The following PCGF2 variants were observed in gnomAD, a reference collection of about 807,000 sequenced individuals.
The protein encoded by PCGF2 is polycomb group RING finger protein 2.
In PCGF2, 8 loss-of-function variants were observed where a neutral mutation model predicts 36.1. The observed-to-expected ratio is 0.22, with a 90% CI of 0.13 to 0.40. The LOEUF (loss-of-function observed/expected upper bound fraction) is 0.40. Ranked by LOEUF, PCGF2 falls within the 10% of genes least tolerant of loss-of-function variation. The pLI, the probability that PCGF2 is intolerant of heterozygous loss-of-function variation, is 1.00. For synonymous variants in PCGF2, 198 were observed against 191.2 expected (o/e 1.04, Z -0.29); for missense variants, 436 against 475.9 (o/e 0.92, Z 0.78).
chr17:38,746,755 A>T (rs954506568), intron 2 of PCGF2: 6 of 152,198 alleles, frequency 3.9e-5, no homozygotes, highest in African/African-American at 1.2e-4. Context: ...CATGGTCTGG[A>T]TCCTGGGGTT....
intron 9 of PCGF2, among the ~76,000 whole-genome samples, chr17:38,736,962 G>A (rs998324891): frequency 4.0e-5 from 6 of 151,342 alleles, no homozygotes; most frequent in African/African-American, 4.9e-5. Context: ...GAGAAACCCC[G>A]TCTCTACTAA....
chr17:38,735,238 C>T lies in PCGF2; in HGVS notation c.1020G>A (p.Val340=). The T allele has an allele frequency of 6.9e-7, 1 of 1,439,222 alleles. No individual in the cohort carries two copies. The highest frequency in any genetic ancestry group is 9.2e-7 in the Non-Finnish European group (1 of 1,085,504). The allele number at this position is 1,439,222 out of a possible 1,614,324, so 89.2% of individuals were successfully genotyped here. ...GRKMTVNGAP[V]PPLT ...GTCCCTGGCCTCAAGTTAAGGGGGG[C>T]ACGGGAGCGCCGTTGACAGTCATCT... The change falls in exon 11 of 11, where the codon GTG becomes GTA. Residue 340 remains valine (V), a synonymous_variant. Coordinates refer to ENST00000620225, the MANE Select transcript of PCGF2 (RefSeq NM_007144.3).
At chr17:38,749,673 C>T (rs865894564), upstream of PCGF2, 2 of 455,930 alleles carry the variant, frequency 4.4e-6, no homozygotes, top group Non-Finnish European at 8.8e-6. The surrounding 1 kb of genome is among the most constrained non-coding windows in gnomAD (Gnocchi z 6.5). Context: ...AGTTTTGGAG[C>T]GCCTGCCTCC....
rs966821056 is a variant in PCGF2 at position 38,734,116 on chromosome 17, G to A, written c.*1107C>T. 1 of 147,370 alleles carries A rather than the reference G, an allele frequency of 6.8e-6. No homozygotes were observed. Among genetic ancestry groups the A allele is most frequent in the Admixed American group, 6.7e-5 (1 of 14,896 alleles). 9.1% of individuals were successfully genotyped at this position (147,370 alleles called of 1,614,324 possible). Reference sequence around the variant, plus strand: ...ACTTGAGGAAATCTCGGTGGGCAGCGACCTGCCAGGGTCTGTCCCTAAGGA... The same window carrying A: ...ACTTGAGGAAATCTCGGTGGGCAGCAACCTGCCAGGGTCTGTCCCTAAGGA... On this transcript the variant is annotated 3_prime_UTR_variant, in exon 11 of 11. Coordinates refer to ENST00000620225, the MANE Select transcript of PCGF2 (RefSeq NM_007144.3).
rs551103547 is a variant in PCGF2 at position 38,738,978 on chromosome 17, G to A, written c.316+90C>T. ...AGCCACCTTCTGGAGAGGTGTGCGCGGAGGAGGTCAGAGGGTGAGGGGTAG... is the reference window on the plus strand; with the variant it reads ...AGCCACCTTCTGGAGAGGTGTGCGCAGAGGAGGTCAGAGGGTGAGGGGTAG... On this transcript the variant is annotated intron_variant, in intron 6 of 10. Coordinates refer to ENST00000620225, the MANE Select transcript of PCGF2 (RefSeq NM_007144.3). 6.9e-5 allele frequency: 106 copies of A among 1,541,402 alleles called. No homozygotes were observed. In the African/African-American group the frequency reaches 7.6e-4, roughly 11 times the overall value.
Position 38,738,438 on chromosome 17 carries a change from C to T in PCGF2, c.491G>A (p.Arg164His), listed in dbSNP as rs1027436811. Residue 164 changes from arginine to histidine, a missense_variant, in exon 9 of 11, where the codon CGC (arginine) becomes CAC (histidine). Physicochemically the swap from Arg to His is conservative, Grantham distance 29 (BLOSUM62 0). Around this residue, in one of 3 missense-constraint regions of PCGF2, gnomAD observed 20 missense variants for 43.7 expected, o/e 0.46. Coordinates refer to ENST00000620225, the MANE Select transcript of PCGF2 (RefSeq NM_007144.3). ...GDGDKEKTGV[R>H]FLRCPAAMTV... ...CATGGCTGCTGGGCATCGCAGGAAG[C>T]GCACCCCTGTCTGCTGGGGCACAGG... The T allele has an allele frequency of 1.9e-6, 3 of 1,614,172 alleles. No homozygotes were observed. Among genetic ancestry groups the T allele is most frequent in the Admixed American group, 1.7e-5 (1 of 60,032 alleles).
chr17:38,739,522 T>A lies in PCGF2; in HGVS notation c.209+64A>T. ...CCTTGGCTGAAGGAAGCACGGAGCG[T>A]GGGAGGGATGGGGGAGGCTGACCCA... is the stretch of plus-strand genomic sequence containing the variant. On this transcript the variant is annotated intron_variant, in intron 4 of 10. Transcript: ENST00000620225. The surrounding 1 kb of genome is among the most constrained non-coding windows in gnomAD (Gnocchi z 4.0). The A allele has an allele frequency of 7.9e-7, 1 of 1,264,166 alleles. No homozygotes were observed. The highest frequency in any genetic ancestry group is 1.2e-5 in the South Asian group (1 of 84,128). The allele number at this position is 1,264,166 out of a possible 1,614,324, so 78.3% of individuals were successfully genotyped here.
chr17:38,739,596 G>A lies in PCGF2; in HGVS notation c.199C>T (p.Leu67=), dbSNP rs777245425. The change falls in exon 4 of 11, where the codon CTG becomes TTG. Residue 67 remains leucine, a synonymous_variant. Transcript: ENST00000620225. The surrounding 1 kb of genome is among the most constrained non-coding windows in gnomAD (Gnocchi z 4.0). ...DVQVHKTRPL[L]SIRSDKTLQD... is the part of the protein sequence containing the mutation. ...CCGTGCCAAGCCCACCTGATGCTCA[G>A]CAGCGGCCGGGTTTTATGGACCTGC... is the stretch of plus-strand genomic sequence containing the variant. 1.2e-6 allele frequency: 2 copies of A among 1,613,184 alleles called. No homozygotes were observed. The highest frequency in any genetic ancestry group is 4.5e-5 in the East Asian group (2 of 44,870).
At chr17:38,738,127 C>G (rs995944019) in intron 9 of PCGF2, among the ~76,000 whole-genome samples, 1 of 152,138 alleles carries the variant, frequency 6.6e-6, no homozygotes, top group Admixed American at 6.5e-5. Context: ...GTGCAACATG[C>G]ACACATACAC....
chr17:38,739,812 C>T lies in PCGF2; in HGVS notation c.113-130G>A, dbSNP rs117964350. The T allele has an allele frequency of 3.9e-3, 2,802 of 719,470 alleles. 10 individuals are homozygous for T. The highest frequency in any genetic ancestry group is 6.3e-3 in the Non-Finnish European group (2,489 of 397,042). The allele number at this position is 719,470 out of a possible 1,614,324, so 44.6% of individuals were successfully genotyped here. Reference sequence around the variant, plus strand: ...GTCCCTGCTCCGAGGCCCAATGTGGCGATGTGTGTTCTGCACGTGTGGTAC... The same window carrying T: ...GTCCCTGCTCCGAGGCCCAATGTGGTGATGTGTGTTCTGCACGTGTGGTAC... On this transcript the variant is annotated intron_variant, in intron 3 of 10. Coordinates refer to ENST00000620225, the MANE Select transcript of PCGF2 (RefSeq NM_007144.3). This position sits in a 1 kb window ranked among gnomAD's most constrained non-coding sequence, Gnocchi z 4.0.
In PCGF2 at chr17:38,735,016, T is replaced by C. The variant is rs996760735; in HGVS notation, c.*207A>G. The C allele has an allele frequency of 1.5e-5, 6 of 394,576 alleles. No individual in the cohort carries two copies. Among genetic ancestry groups the C allele is most frequent in the Admixed American group, 1.3e-4 (3 of 22,832 alleles). The allele number at this position is 394,576 out of a possible 1,614,324, so 24.4% of individuals were successfully genotyped here. A position where few individuals can be genotyped will look rare whatever the true frequency, so the allele number is the denominator to read the frequency against. ...CACATAAAGTTTGTTTCCTGTGGCA[T>C]TTAAATTAATCTGGTTGGTCCATAG... On this transcript the variant is annotated 3_prime_UTR_variant, in exon 11 of 11. Coordinates refer to ENST00000620225, the MANE Select transcript of PCGF2 (RefSeq NM_007144.3).
chr17:38,740,758 CAAAAAAGAAAAG>C lies in PCGF2; in HGVS notation c.-40-328_-40-317del, dbSNP rs1907151652. ...TGGGCGACAGAGTGAGAGTCTGTCT[CAAAAAAGAAAAG>C]AAAAAAGAAACCCAGAGCCTCGGCA... On this transcript the variant is annotated intron_variant, in intron 2 of 10. Transcript: ENST00000620225. Among the ~76,000 whole-genome samples, 3 of 150,642 alleles carry C rather than the reference CAAAAAAGAAAAG, an allele frequency of 2.0e-5. No individual in the cohort carries two copies. In the South Asian group the frequency reaches 6.3e-4, roughly 32 times the overall value.
chr17:38,734,006 C>T lies in PCGF2; in HGVS notation c.*1217G>A. ...AGGACAAGGTGCAAACACAGACAAGCCCATCAGGGGGCTCCCAACCCCACA... is the reference window on the plus strand; with the variant it reads ...AGGACAAGGTGCAAACACAGACAAGTCCATCAGGGGGCTCCCAACCCCACA... On this transcript the variant is annotated 3_prime_UTR_variant, in exon 11 of 11. Transcript: ENST00000620225. 6.5e-6 allele frequency: 1 copy of T among 153,030 alleles called. No homozygotes were observed. The highest frequency in any genetic ancestry group is 1.5e-5 in the Non-Finnish European group (1 of 68,580). 9.5% of individuals were successfully genotyped at this position (153,030 alleles called of 1,614,324 possible).
chr17:38,743,677 C>T (rs1220901748), intron 2 of PCGF2, among the ~76,000 whole-genome samples: 1 of 152,156 alleles, frequency 6.6e-6, no homozygotes, highest in African/African-American at 2.4e-5. Context: ...CACTGATTGG[C>T]TCCTCACCTG....
Position 38,740,408 on chromosome 17 carries a change from C to A in PCGF2, c.-6G>T. The A allele has an allele frequency of 1.5e-6, 2 of 1,301,706 alleles. No homozygotes were observed. The highest frequency in any genetic ancestry group is 3.0e-5 in the East Asian group (1 of 33,444). 80.6% of individuals were successfully genotyped at this position (1,301,706 alleles called of 1,614,324 possible). On this transcript the variant is annotated 5_prime_UTR_variant, in exon 3 of 11. Coordinates refer to ENST00000620225, the MANE Select transcript of PCGF2 (RefSeq NM_007144.3). Reference sequence around the variant, plus strand: ...ATCCGTGTAGTCCGATGCATGATTCCGGGGTCGGGGGTGGGGGGACTGGGG... The same window carrying A: ...ATCCGTGTAGTCCGATGCATGATTCAGGGGTCGGGGGTGGGGGGACTGGGG...
In PCGF2 at chr17:38,736,102, G is replaced by A; in HGVS notation, c.645C>T (p.Tyr215=). 5 of 1,579,172 alleles carry A rather than the reference G, an allele frequency of 3.2e-6. No individual in the cohort carries two copies. The highest frequency in any genetic ancestry group is 3.4e-6 in the Non-Finnish European group (4 of 1,161,762). ...CTCGCTGGCTCACCCGCCGCCAGGG[G>A]TAGATGTAGGCGATGTCCATGAGGG... is the stretch of plus-strand genomic sequence containing the variant. The part of the protein sequence containing the change: ...YYTLMDIAYI[Y]PWRRNGPLPL... Residue 215 remains tyrosine, a synonymous_variant, in exon 10 of 11, where the codon TAC becomes TAT. Transcript: ENST00000620225.
Position 38,736,155 on chromosome 17 carries a change from C to T in PCGF2, c.592G>A (p.Glu198Lys), listed in dbSNP as rs568535028. The T allele has an allele frequency of 2.1e-5, 33 of 1,574,162 alleles. No homozygotes were observed. Among genetic ancestry groups the T allele is most frequent in the East Asian group, 9.3e-5 (4 of 43,054 alleles). ...PSKYKVEVLY[E>K]DEPLKEYYTL... ...TAGTATTCCTTCAGTGGCTCGTCCT[C>T]GTACAGAACCTCCACCTGGGGGAGG... is the stretch of plus-strand genomic sequence containing the variant. Residue 198 changes from glutamate (E) to lysine (K), a missense_variant, in exon 10 of 11, where the codon GAG becomes AAG. Physicochemically the swap from Glu to Lys is moderately conservative, Grantham distance 56. Around this residue, in one of 3 missense-constraint regions of PCGF2, gnomAD observed 227 missense variants for 212.9 expected, o/e 1.07. Coordinates refer to ENST00000620225, the MANE Select transcript of PCGF2 (RefSeq NM_007144.3).
rs1907030695 is a variant in PCGF2, at chr17:38,739,521, G to A, written c.209+65C>T. ...GCCTTGGCTGAAGGAAGCACGGAGCGTGGGAGGGATGGGGGAGGCTGACCC... is the reference window on the plus strand; with the variant it reads ...GCCTTGGCTGAAGGAAGCACGGAGCATGGGAGGGATGGGGGAGGCTGACCC... On this transcript the variant is annotated intron_variant, in intron 4 of 10. Coordinates refer to ENST00000620225, the MANE Select transcript of PCGF2 (RefSeq NM_007144.3). The surrounding 1 kb of genome is among the most constrained non-coding windows in gnomAD (Gnocchi z 4.0). The A allele has an allele frequency of 7.9e-6, 10 of 1,273,606 alleles. No homozygotes were observed. The highest frequency in any genetic ancestry group is 2.0e-4 in the Middle Eastern group (1 of 5,062). 78.9% of individuals were successfully genotyped at this position (1,273,606 alleles called of 1,614,324 possible).
chr17:38,738,213 C>A, intron 9 of PCGF2, 140 bp downstream of exon 9: 1 of 709,512 alleles, frequency 1.4e-6, no homozygotes, highest in Non-Finnish European at 2.5e-6. Context: ...TTTCAACCAC[C>A]CTTCTGTTAA....
Sources: gnomAD v4.1 joint callset for allele counts (sites outside exome capture counted in the v4.1 genomes callset) on GRCh38, gnomAD v4.1.1 for gene constraint, gnomAD v4.1.1 regional missense constraint, Gnocchi (gnomAD v3.1) non-coding constraint, MANE v1.5 for transcripts, NCBI Gene and HGNC (gene_info 2026-07-23, HGNC 2026-07-21) for gene names.